Variants in PSMD1 observed in about 807,000 individuals in gnomAD.
PSMD1 encodes 26S proteasome non-ATPase regulatory subunit 1.
A neutral mutation model predicts 119.0 loss-of-function variants in PSMD1; 18 were observed. The observed-to-expected ratio is 0.15, with a 90% CI of 0.10 to 0.22. PSMD1 has a LOEUF of 0.22. Ranked by LOEUF, PSMD1 falls within the 10% of genes least tolerant of loss-of-function variation. The pLI, the probability that PSMD1 is intolerant of heterozygous loss-of-function variation, is 1.00. For missense variants in PSMD1, 702 were observed against 1,158.5 expected (o/e 0.61, Z 5.72); for synonymous variants, 374 against 396.6 (o/e 0.94, Z 0.68).
chr2:231,074,800 T>C (rs1694121303), intron 7 of PSMD1, among the ~76,000 whole-genome samples: 1 of 152,198 alleles, frequency 6.6e-6, no homozygotes, highest in South Asian at 2.1e-4. Context: ...TCTGTTGCAT[T>C]TATGTAGTAC....
intron 16 of PSMD1, among the ~76,000 whole-genome samples, chr2:231,118,156 A>G (rs1015475080): frequency 1.4e-5 from 2 of 147,044 alleles, no homozygotes; most frequent in African/African-American, 5.5e-5. Flanking sequence ...TTTCTTTAAT[A>G]GAGTTTATAT....
chr2:231,155,672 A>G (rs1696469547), intron 19 of PSMD1, among the ~76,000 whole-genome samples: 2 of 151,380 alleles, frequency 1.3e-5, no homozygotes, highest in South Asian at 4.2e-4. Context: ...TCTTTTCTAA[A>G]TTTTTGAGGC....
intron 16 of PSMD1, among the ~76,000 whole-genome samples, chr2:231,116,919 A>C (rs1487242708): frequency 6.6e-6 from 1 of 152,084 alleles, no homozygotes; most frequent in Non-Finnish European, 1.5e-5. Context: ...CTAATATAAA[A>C]GAAAAAGATA....
At chr2:231,160,858 A>C (rs1696622713) in intron 19 of PSMD1, among the ~76,000 whole-genome samples, 1 of 152,218 alleles carries the variant, frequency 6.6e-6, no homozygotes, top group African/African-American at 2.4e-5. Context: ...TAGACTGCAC[A>C]TATGAATTGT....
intron 10 of PSMD1, among the ~76,000 whole-genome samples, chr2:231,078,994 C>T (rs1694242621): frequency 6.6e-6 from 1 of 151,974 alleles, no homozygotes; most frequent in Non-Finnish European, 1.5e-5. Flanking sequence ...AGGCTTTTGC[C>T]ATGTTGGCCA....
chr2:231,132,624 A>G (rs73084070), intron 16 of PSMD1, among the ~76,000 whole-genome samples: 6,134 of 152,260 alleles, frequency 0.04, 356 homozygotes, highest in African/African-American at 0.14. Flanking sequence ...CCCAGCATAC[A>G]TAAGGAGGAG....
In PSMD1 at chr2:231,083,682, T is replaced by C. The variant is rs1694367199; in HGVS notation, c.1641T>C (p.Gly547=). ...QETQHEKILR[G]LAVGIALVMY... Reference sequence around the variant, plus strand: ...CTCAACATGAGAAGATTCTGCGTGGTCTTGCAGTTGGCATAGCTTTAGTAA... The same window carrying C: ...CTCAACATGAGAAGATTCTGCGTGGCCTTGCAGTTGGCATAGCTTTAGTAA... The change falls in exon 14 of 25, where the codon GGT becomes GGC. Residue 547 remains glycine (G), a synonymous_variant. Transcript: ENST00000308696. 1 of 1,614,094 alleles carries C rather than the reference T, an allele frequency of 6.2e-7. No homozygotes were observed. Among genetic ancestry groups the C allele is most frequent in the African/African-American group, 1.3e-5 (1 of 74,942 alleles).
intron 16 of PSMD1, among the ~76,000 whole-genome samples, chr2:231,089,805 T>G (rs1023101623): frequency 1.1e-4 from 16 of 152,030 alleles, no homozygotes; most frequent in African/African-American, 3.1e-4. Context: ...CCTTTTCACG[T>G]TTTTCTGCCT....
chr2:231,056,930 C>G lies in PSMD1; in HGVS notation c.-96C>G, dbSNP rs574529204. 1.1e-5 allele frequency: 16 copies of G among 1,492,778 alleles called. No homozygotes were observed. Among genetic ancestry groups the G allele is most frequent in the Non-Finnish European group, 1.4e-5 (15 of 1,107,224 alleles). 92.5% of individuals were successfully genotyped at this position (1,492,778 alleles called of 1,614,324 possible). ...CTGACTGAGCAGCGCACCCGGGGAG[C>G]AAGGAGGCGCGGTGAACTGAGCGGC... On this transcript the variant is annotated 5_prime_UTR_variant, in exon 1 of 25. Transcript: ENST00000308696.
chr2:231,135,476 A>G (rs1695946233), intron 16 of PSMD1, among the ~76,000 whole-genome samples: 1 of 152,188 alleles, frequency 6.6e-6, no homozygotes, highest in Non-Finnish European at 1.5e-5. Context: ...CCAACTATTT[A>G]GAGACAAAAC....
At chr2:231,155,787 G>C (rs536543796) in intron 19 of PSMD1, among the ~76,000 whole-genome samples, 1 of 151,512 alleles carries the variant, frequency 6.6e-6, no homozygotes, top group African/African-American at 2.4e-5. Context: ...TTAATATTGA[G>C]GCATAGTTTA....
At chr2:231,139,314 C>CTTTTTTT (rs60709158) in intron 17 of PSMD1, among the ~76,000 whole-genome samples, 65 of 93,528 alleles carry the variant, frequency 6.9e-4, no homozygotes, top group South Asian at 1.1e-3. Context: ...TTTTTTCTTT[C>CTTTTTTT]TTTTTTTTTT....
chr2:231,072,260 C>T lies in PSMD1; in HGVS notation c.726C>T (p.Leu242=), dbSNP rs1398705844. 1.2e-6 allele frequency: 2 copies of T among 1,613,968 alleles called. No individual in the cohort carries two copies. ...ILEKLVKEDN[L]LMAYQICFDL... is the part of the protein sequence containing the mutation. ...AGAAACTGGTAAAGGAAGACAACCT[C>T]CTGATGGCATATCAGATTTGTTTTG... The change falls in exon 7 of 25, where the codon CTC becomes CTT. Residue 242 remains leucine, a synonymous_variant. Coordinates refer to ENST00000308696, the MANE Select transcript of PSMD1 (RefSeq NM_002807.4).
rs1021747103 is a variant in PSMD1, at chr2:231,141,089, C to T, written c.1998+2239C>T. Among the ~76,000 whole-genome samples, 7 of 152,280 alleles carry T rather than the reference C, an allele frequency of 4.6e-5. No homozygotes were observed. In the East Asian group the frequency reaches 5.8e-4, roughly 13 times the overall value. On this transcript the variant is annotated intron_variant, in intron 17 of 24. Coordinates refer to ENST00000308696, the MANE Select transcript of PSMD1 (RefSeq NM_002807.4). ...TCGGGATGCCGAGGCGGGCGGATCA[C>T]CTGAAGTCAGGAGTTCAAGACCAGC...
intron 16 of PSMD1, among the ~76,000 whole-genome samples, chr2:231,119,599 G>C (rs1202451883): frequency 6.6e-6 from 1 of 152,090 alleles, no homozygotes; most frequent in Non-Finnish European, 1.5e-5. Context: ...AGCCAGGTTT[G>C]GTGGCTCATG....
In PSMD1 at chr2:231,062,791, C is replaced by T. The variant is rs1693792319; in HGVS notation, c.304+116C>T. The T allele has an allele frequency of 4.6e-6, 4 of 868,782 alleles. No homozygotes were observed. The South Asian group carries it at 1.3e-4, about 29-fold the overall frequency. The allele number at this position is 868,782 out of a possible 1,614,324, so 53.8% of individuals were successfully genotyped here. ...CCAAATTTCATTTTAATTGGAAGTTCCTAATCTTTCTATAATAATTTTATG... is the reference window on the plus strand; with the variant it reads ...CCAAATTTCATTTTAATTGGAAGTTTCTAATCTTTCTATAATAATTTTATG... On this transcript the variant is annotated intron_variant, in intron 4 of 24. Coordinates refer to ENST00000308696, the MANE Select transcript of PSMD1 (RefSeq NM_002807.4).
chr2:231,064,397 G>A (rs1693844186), intron 4 of PSMD1, among the ~76,000 whole-genome samples: 1 of 152,142 alleles, frequency 6.6e-6, no homozygotes, highest in Non-Finnish European at 1.5e-5. Context: ...ATAAACCTGG[G>A]ATATATTTAT....
rs1217151692 is a variant in PSMD1 at position 231,080,272 on chromosome 2, A to G, written c.1371A>G (p.Ile457Met). ...GLIHANHGGD[I>M]IDYLLNQLKN... is the part of the protein sequence containing the mutation. Reference sequence around the variant, plus strand: ...TTCATGCCAATCATGGTGGTGATATAATTGACTATCTGCTTAATCAGCTTA... The same window carrying G: ...TTCATGCCAATCATGGTGGTGATATGATTGACTATCTGCTTAATCAGCTTA... Residue 457 changes from isoleucine to methionine, a missense_variant, in exon 12 of 25, where the codon ATA (isoleucine) becomes ATG (methionine). Ile to Met is a conservative substitution (Grantham distance 10). This residue lies in a region of PSMD1 where 272 missense variants were observed against 511.6 expected (regional missense o/e 0.53). Transcript: ENST00000308696. 6.2e-7 allele frequency: 1 copy of G among 1,612,826 alleles called. No individual in the cohort carries two copies. Among genetic ancestry groups the G allele is most frequent in the Non-Finnish European group, 8.5e-7 (1 of 1,179,150 alleles).
At chr2:231,078,216 C>T (rs1202564122) in intron 9 of PSMD1, among the ~76,000 whole-genome samples, 2 of 151,952 alleles carry the variant, frequency 1.3e-5, no homozygotes, top group South Asian at 2.1e-4. Context: ...TGCAGTGAGC[C>T]GAGATCGTAC....
Sources: allele counts gnomAD v4.1 joint callset (sites outside exome capture counted in the v4.1 genomes callset), GRCh38; gene constraint gnomAD v4.1.1; regional missense constraint gnomAD v4.1.1; transcripts MANE v1.5; gene names NCBI Gene and HGNC (gene_info 2026-07-23, HGNC 2026-07-21).